NLGN1: variants seen among roughly 807,000 people sequenced by gnomAD.
The protein encoded by NLGN1 is neuroligin-1.
In NLGN1, 12 loss-of-function variants were observed where a neutral mutation model predicts 65.5. The ratio of observed to expected loss-of-function variants is 0.18; its 90% CI spans 0.12 to 0.30. NLGN1 has a LOEUF of 0.30. NLGN1 is among the 10% of genes least tolerant of loss of function. The pLI, the probability that NLGN1 is intolerant of heterozygous loss-of-function variation, is 1.00. For synonymous variants in NLGN1, 350 were observed against 359.5 expected, an observed-to-expected ratio of 0.97 and a Z score of 0.30; for missense variants, 750 against 1,007.1, an observed-to-expected ratio of 0.74 and a Z score of 3.46.
chr3:173,595,856 T>G (rs1216941480), intron 2 of NLGN1, among the ~76,000 whole-genome samples: 1 of 152,184 alleles, frequency 6.6e-6, no homozygotes, highest in African/African-American at 2.4e-5. Flanking sequence ...CTCATAAGAC[T>G]TATTCACTAC....
chr3:173,985,692 G>C (rs1335766334), intron 4 of NLGN1, among the ~76,000 whole-genome samples: 1 of 152,194 alleles, frequency 6.6e-6, no homozygotes, highest in African/African-American at 2.4e-5. Context: ...ATTAACGCCT[G>C]TAATCCCAGC....
At chr3:173,480,790 G>A (rs1274043525) in intron 2 of NLGN1, among the ~76,000 whole-genome samples, 1 of 151,930 alleles carries the variant, frequency 6.6e-6, no homozygotes, top group African/African-American at 2.4e-5. Flanking sequence ...TTAAGTATAG[G>A]TTCTTTGAAA....
chr3:173,501,160 T>A (rs1731056097), intron 2 of NLGN1, among the ~76,000 whole-genome samples: 1 of 152,124 alleles, frequency 6.6e-6, no homozygotes, highest in African/African-American at 2.4e-5. Context: ...TGCAGGTTTG[T>A]TACTTAGTGC....
At chr3:173,420,683 A>G (rs1054749779) in intron 1 of NLGN1, among the ~76,000 whole-genome samples, 1 of 152,188 alleles carries the variant, frequency 6.6e-6, no homozygotes, top group Non-Finnish European at 1.5e-5. Flanking sequence ...GAACTAGTTT[A>G]CAGTCCCACC....
intron 4 of NLGN1, among the ~76,000 whole-genome samples, chr3:173,985,224 G>A (rs1719634639): frequency 6.6e-6 from 1 of 152,182 alleles, no homozygotes; most frequent in Admixed American, 6.5e-5. Context: ...CTATATTTGT[G>A]AAATAGAGAA....
intron 2 of NLGN1, among the ~76,000 whole-genome samples, chr3:173,521,282 A>G (rs1175417980): frequency 6.6e-6 from 1 of 152,210 alleles, no homozygotes; most frequent in Non-Finnish European, 1.5e-5. Context: ...TGTTCAAGTC[A>G]AAAGCTGGTG....
At chr3:174,000,168 C>T (rs1723009930) in intron 4 of NLGN1, among the ~76,000 whole-genome samples, 1 of 152,066 alleles carries the variant, frequency 6.6e-6, no homozygotes, top group Non-Finnish European at 1.5e-5. Context: ...CCTTGTTTCT[C>T]ATCTATAATA....
chr3:174,002,273 G>A (rs923437349), intron 4 of NLGN1, among the ~76,000 whole-genome samples: 4 of 152,082 alleles, frequency 2.6e-5, no homozygotes, highest in Middle Eastern at 6.8e-3. Flanking sequence ...GATTACAGTT[G>A]CCCACCACCA....
At chr3:173,690,863 G>A (rs1278222631) in intron 3 of NLGN1, among the ~76,000 whole-genome samples, 1 of 152,116 alleles carries the variant, frequency 6.6e-6, no homozygotes, top group Non-Finnish European at 1.5e-5. Context: ...AGAAGCCAAA[G>A]GCAGAAAGAC....
At chr3:173,478,997 T>C (rs1374263483) in intron 2 of NLGN1, among the ~76,000 whole-genome samples, 2 of 152,150 alleles carry the variant, frequency 1.3e-5, no homozygotes, top group African/African-American at 4.8e-5. Context: ...TCAGGGTTGA[T>C]ATCAGTTGAA....
chr3:173,718,145 T>C (rs1770188816), intron 3 of NLGN1, among the ~76,000 whole-genome samples: 1 of 152,150 alleles, frequency 6.6e-6, no homozygotes, highest in African/African-American at 2.4e-5. Context: ...TTTCCTTGTG[T>C]TGGGAACATT....
At chr3:174,050,277 A>G (rs536107969) in intron 4 of NLGN1, among the ~76,000 whole-genome samples, 136 of 152,262 alleles carry the variant, frequency 8.9e-4, no homozygotes, top group African/African-American at 3.1e-3. Context: ...TGGCATTGAC[A>G]TTAAGGTGTC....
chr3:173,786,081 C>G (rs1318693022), intron 3 of NLGN1, among the ~76,000 whole-genome samples: 1 of 152,168 alleles, frequency 6.6e-6, no homozygotes, highest in Non-Finnish European at 1.5e-5. Flanking sequence ...TGACCAACCT[C>G]AGAGGATAAG....
chr3:173,994,246 T>C (rs968788274), intron 4 of NLGN1, among the ~76,000 whole-genome samples: 1 of 151,910 alleles, frequency 6.6e-6, no homozygotes, highest in Non-Finnish European at 1.5e-5. Flanking sequence ...CAGCTGAGAC[T>C]ACAAGAGTGC....
chr3:173,887,549 T>C (rs1414638836), intron 4 of NLGN1, among the ~76,000 whole-genome samples: 2 of 152,098 alleles, frequency 1.3e-5, no homozygotes, highest in East Asian at 3.9e-4. Flanking sequence ...TTGAAAACTT[T>C]AAGTGATTTC....
At chr3:174,231,280 C>A (rs559591805) in intron 4 of NLGN1, among the ~76,000 whole-genome samples, 4 of 152,044 alleles carry the variant, frequency 2.6e-5, no homozygotes, top group African/African-American at 9.7e-5. Flanking sequence ...GGAAATTCGC[C>A]GAGACTCCGG....
chr3:174,109,696 C>T (rs950580173), intron 4 of NLGN1, among the ~76,000 whole-genome samples: 4 of 151,828 alleles, frequency 2.6e-5, no homozygotes, highest in Non-Finnish European at 5.9e-5. Flanking sequence ...AATGTATTAG[C>T]TGTTAAGGTA....
chr3:173,927,123 G>A (rs192950059), intron 4 of NLGN1, among the ~76,000 whole-genome samples: 81 of 152,194 alleles, frequency 5.3e-4, no homozygotes, highest in African/African-American at 1.9e-3. Context: ...GAGTGCAGTG[G>A]CATGATCTCG....
intron 4 of NLGN1, among the ~76,000 whole-genome samples, chr3:173,992,833 T>C (rs1326214252): frequency 6.6e-6 from 1 of 152,206 alleles, no homozygotes; most frequent in Non-Finnish European, 1.5e-5. Context: ...TGCCAAATAA[T>C]ACAGCAATAT....
Sources: allele counts gnomAD v4.1 joint callset (sites outside exome capture counted in the v4.1 genomes callset), GRCh38; gene constraint gnomAD v4.1.1; transcripts MANE v1.5; gene names NCBI Gene and HGNC (gene_info 2026-07-23, HGNC 2026-07-21).